GRM1: variants seen among roughly 807,000 people sequenced by gnomAD.
GRM1 encodes the protein metabotropic glutamate receptor 1.
In GRM1, 33 loss-of-function variants were observed where a neutral mutation model predicts 90.9. The ratio of observed to expected loss-of-function variants is 0.36; its 90% CI spans 0.28 to 0.49. The LOEUF is 0.49. Among genes scored for constraint, GRM1 ranks in the 20% least tolerant of loss-of-function variants. The probability of loss-of-function intolerance (pLI) is 0.99; values close to 1 mark genes in which losing one functional copy is unlikely to be tolerated. For missense variants in GRM1, 1,190 were observed against 1,534.3 expected (o/e 0.78, Z 3.75); for synonymous variants, 700 against 613.2 (o/e 1.14, Z -2.09).
intron 2 of GRM1, among the ~76,000 whole-genome samples, chr6:146,214,918 T>C (rs909608824): frequency 1.3e-5 from 2 of 152,168 alleles, no homozygotes; most frequent in African/African-American, 4.8e-5. Context: ...CAGGACTAGA[T>C]GGGCTTTAAC....
chr6:146,390,546 A>G (rs545778801), intron 6 of GRM1, among the ~76,000 whole-genome samples: 2 of 152,134 alleles, frequency 1.3e-5, no homozygotes, highest in Admixed American at 6.6e-5. Context: ...TAAAATAAGA[A>G]TATTCCTCAA....
At chr6:146,210,797 C>T (rs1221123697) in intron 2 of GRM1, among the ~76,000 whole-genome samples, 3 of 152,224 alleles carry the variant, frequency 2.0e-5, no homozygotes, top group South Asian at 2.1e-4. Context: ...ACTAATTTCA[C>T]GGCAGTCCCC....
At chr6:146,140,090 ATTCTTTCTTTCTTTCTTTCTTTCTTTCT>A (rs766023029) in intron 1 of GRM1, among the ~76,000 whole-genome samples, 3 of 57,838 alleles carry the variant, frequency 5.2e-5, no homozygotes, top group African/African-American at 2.3e-4. Flanking sequence ...TTCTTTCTTT[ATTCTTTCTTTCTTTCTTTCTTTCTTTCT>A]TTCTTTCTTT....
intron 2 of GRM1, among the ~76,000 whole-genome samples, chr6:146,189,864 T>G (rs964529599): frequency 6.6e-6 from 1 of 152,226 alleles, no homozygotes; most frequent in Non-Finnish European, 1.5e-5. Context: ...CATGGATATA[T>G]TTTAACTAAT....
At chr6:146,105,723 A>G (rs1777204349) in intron 1 of GRM1, among the ~76,000 whole-genome samples, 1 of 152,258 alleles carries the variant, frequency 6.6e-6, no homozygotes, top group Non-Finnish European at 1.5e-5. Flanking sequence ...AAAATATGAC[A>G]CATTTAACTT....
At position 146,387,695 on chromosome 6, in the gene GRM1, G is replaced by A. The variant is rs180725425; in HGVS notation, c.1729+679G>A. ...ACCATAGAACAAGTATGTGGGGTTG[G>A]TAGGTAGGGACAATGGTCCAGTAGG... On this transcript the variant is annotated intron_variant, in intron 6 of 7. Coordinates refer to ENST00000282753, the MANE Select transcript of GRM1 (RefSeq NM_001278064.2). Among the ~76,000 whole-genome samples, 323 of 152,186 alleles carry A rather than the reference G, an allele frequency of 2.1e-3. 5 individuals carry two copies. Among genetic ancestry groups the A allele is most frequent in the African/African-American group, 6.8e-3 (283 of 41,546 alleles).
At chr6:146,247,833 A>C (rs1394026567) in intron 2 of GRM1, among the ~76,000 whole-genome samples, 3 of 147,778 alleles carry the variant, frequency 2.0e-5, no homozygotes, top group African/African-American at 7.4e-5. Flanking sequence ...ATTACATATT[A>C]TATGTAATAT....
chr6:146,411,868 A>G (rs986223935), intron 7 of GRM1, among the ~76,000 whole-genome samples: 1 of 152,218 alleles, frequency 6.6e-6, no homozygotes, highest in African/African-American at 2.4e-5. Context: ...GTATAAACAT[A>G]CTAAAACATG....
At chr6:146,306,313 A>T (rs1278993690) in intron 3 of GRM1, among the ~76,000 whole-genome samples, 1 of 152,196 alleles carries the variant, frequency 6.6e-6, no homozygotes, top group East Asian at 1.9e-4. Context: ...ATGAACCAAT[A>T]AATCATCCAA....
intron 7 of GRM1, among the ~76,000 whole-genome samples, chr6:146,415,523 A>T (rs898236084): frequency 2.6e-5 from 4 of 152,152 alleles, no homozygotes; most frequent in Non-Finnish European, 4.4e-5. Context: ...ACATACGTTT[A>T]GTCCTGATTA....
chr6:146,177,283 C>A lies in GRM1; in HGVS notation c.950+17686C>A, dbSNP rs539943065. ...GTATTCCCAGAGTGACTTCCTCTGA[C>A]AACTCACAGCAGGCTAGAATAGAAT... On this transcript the variant is annotated intron_variant, in intron 2 of 7. Transcript: ENST00000282753. Among the ~76,000 whole-genome samples the A allele has an allele frequency of 1.4e-4, 21 of 152,166 alleles. 1 individual carries two copies. The East Asian group carries it at 2.3e-3, about 17-fold the overall frequency.
At chr6:146,408,539 T>C (rs1777440913) in intron 7 of GRM1, among the ~76,000 whole-genome samples, 1 of 152,188 alleles carries the variant, frequency 6.6e-6, no homozygotes, top group African/African-American at 2.4e-5. Flanking sequence ...ACATTAAAAT[T>C]ATAAAAACAT....
At chr6:146,031,315 T>A (rs1257365521) in intron 1 of GRM1, among the ~76,000 whole-genome samples, 1 of 152,202 alleles carries the variant, frequency 6.6e-6, no homozygotes, top group Non-Finnish European at 1.5e-5. Context: ...AAGACAATCT[T>A]GCTGGTATTT....
intron 1 of GRM1, among the ~76,000 whole-genome samples, chr6:146,032,299 T>C (rs1790735498): frequency 6.6e-6 from 1 of 152,170 alleles, no homozygotes; most frequent in African/African-American, 2.4e-5. Context: ...GTTTATTTTA[T>C]TACCAAGCAG....
intron 3 of GRM1, among the ~76,000 whole-genome samples, chr6:146,344,701 G>C (rs1785107457): frequency 6.6e-6 from 1 of 152,194 alleles, no homozygotes; most frequent in African/African-American, 2.4e-5. Flanking sequence ...CACTGAGACA[G>C]AGTGTCATTA....
intron 2 of GRM1, among the ~76,000 whole-genome samples, chr6:146,182,190 C>T (rs1778573066): frequency 6.6e-6 from 1 of 152,000 alleles, no homozygotes. Context: ...TTTTGTGGTG[C>T]ACTGTAAGCT....
chr6:146,084,589 G>A (rs1025884354), intron 1 of GRM1, among the ~76,000 whole-genome samples: 17 of 152,146 alleles, frequency 1.1e-4, no homozygotes, highest in African/African-American at 4.1e-4. Flanking sequence ...TGATTGCCCT[G>A]TGGTCTGAGG....
At chr6:146,236,106 C>T (rs968229524) in intron 2 of GRM1, among the ~76,000 whole-genome samples, 4 of 152,048 alleles carry the variant, frequency 2.6e-5, no homozygotes, top group Admixed American at 2.6e-4. Context: ...AGAATATAGG[C>T]TTCTAATTCT....
At chr6:146,163,852 A>C (rs1367369991) in intron 2 of GRM1, among the ~76,000 whole-genome samples, 1 of 152,098 alleles carries the variant, frequency 6.6e-6, no homozygotes, top group East Asian at 1.9e-4. Context: ...TTAGTTTTAA[A>C]TATTTCCTAT....
Sources: gnomAD v4.1 joint callset for allele counts (sites outside exome capture counted in the v4.1 genomes callset) on GRCh38, gnomAD v4.1.1 for gene constraint, MANE v1.5 for transcripts, NCBI Gene and HGNC (gene_info 2026-07-23, HGNC 2026-07-21) for gene names.